Variants in CDC73 observed in about 807,000 individuals in gnomAD.
CDC73 encodes the protein cell division cycle 73.
CDC73 carries 21 observed loss-of-function variants against 83.7 expected under a neutral mutation model. The ratio of observed to expected loss-of-function variants is 0.25; its 90% CI spans 0.18 to 0.36. The LOEUF (loss-of-function observed/expected upper bound fraction) is 0.36. Ranked by LOEUF, CDC73 falls within the 10% of genes least tolerant of loss-of-function variation. CDC73 has a pLI of 1.00. For synonymous variants in CDC73, 224 were observed against 212.9 expected, an observed-to-expected ratio of 1.05 and a Z score of -0.45; for missense variants, 342 against 653.3, an observed-to-expected ratio of 0.52 and a Z score of 5.19.
chr1:193,236,182 T>C lies in CDC73; in HGVS notation c.1317-74T>C, dbSNP rs563288844. ...ATGGGACTGTTGCCTAAGGGATTTA[T>C]AGTAGCTAAAGCTCAAGTTTGAAAT... On this transcript the variant is annotated intron_variant, in intron 14 of 16. Coordinates refer to ENST00000367435, the MANE Select transcript of CDC73 (RefSeq NM_024529.5). 774 of 878,464 alleles carry C rather than the reference T, an allele frequency of 8.8e-4. 10 individuals are homozygous for C. The South Asian group carries it at 9.7e-3, about 11-fold the overall frequency. 54.4% of individuals were successfully genotyped at this position (878,464 alleles called of 1,614,324 possible).
At chr1:193,147,274 G>A (rs1472026733) in intron 7 of CDC73, among the ~76,000 whole-genome samples, 1 of 151,874 alleles carries the variant, frequency 6.6e-6, no homozygotes, top group Admixed American at 6.6e-5. Flanking sequence ...TTACAGTCAC[G>A]AGCCACCGTG....
intron 10 of CDC73, among the ~76,000 whole-genome samples, chr1:193,195,114 T>C (rs942997452): frequency 6.6e-6 from 1 of 152,130 alleles, no homozygotes; most frequent in Non-Finnish European, 1.5e-5. Context: ...GAGTGCATTC[T>C]CTTCTAACTC....
intron 14 of CDC73, among the ~76,000 whole-genome samples, chr1:193,234,258 A>G (rs1677715364): frequency 7.7e-6 from 1 of 129,968 alleles, no homozygotes; most frequent in South Asian, 2.4e-4. Flanking sequence ...ATTTATATAT[A>G]TAATTTAATT....
intron 10 of CDC73, among the ~76,000 whole-genome samples, chr1:193,153,720 T>G (rs982286268): frequency 2.6e-5 from 4 of 152,214 alleles, no homozygotes; most frequent in Non-Finnish European, 5.9e-5. Context: ...GTTTTTGTAT[T>G]ATTAAATTAT....
intron 11 of CDC73, among the ~76,000 whole-genome samples, chr1:193,209,864 C>G (rs74130934): frequency 0.021 from 3,219 of 152,144 alleles, 109 homozygotes; most frequent in African/African-American, 0.074. Context: ...CTTTCTTCTT[C>G]CCTCTCTTCC....
At chr1:193,181,406 C>T in intron 10 of CDC73, 1 of 1,614,028 alleles carries the variant, frequency 6.2e-7, no homozygotes, top group Non-Finnish European at 8.5e-7. Flanking sequence ...TTGAATCCAG[C>T]TCTGCCTGGC....
At chr1:193,126,868 T>G (rs1675584700) in intron 2 of CDC73, among the ~76,000 whole-genome samples, 1 of 152,232 alleles carries the variant, frequency 6.6e-6, no homozygotes, top group Non-Finnish European at 1.5e-5. Flanking sequence ...TGGATCACAT[T>G]AAGCTGTGTG....
intron 10 of CDC73, among the ~76,000 whole-genome samples, chr1:193,156,312 T>G (rs570075847): frequency 5.3e-5 from 8 of 152,320 alleles, no homozygotes; most frequent in African/African-American, 1.9e-4. Flanking sequence ...CTATTTGTTC[T>G]TAGTGAGTAT....
intron 7 of CDC73, among the ~76,000 whole-genome samples, chr1:193,143,418 A>G (rs1326550173): frequency 6.6e-6 from 1 of 152,212 alleles, no homozygotes; most frequent in East Asian, 1.9e-4. Flanking sequence ...AACAGGTGAT[A>G]TACCCTACCT....
chr1:193,199,013 A>T (rs1378213317), intron 10 of CDC73, among the ~76,000 whole-genome samples: 1 of 152,156 alleles, frequency 6.6e-6, no homozygotes, highest in Non-Finnish European at 1.5e-5. Context: ...AGATAAATTT[A>T]TTTTTAAATT....
At chr1:193,194,701 T>G (rs1676972637) in intron 10 of CDC73, among the ~76,000 whole-genome samples, 1 of 152,158 alleles carries the variant, frequency 6.6e-6, no homozygotes, top group Non-Finnish European at 1.5e-5. Flanking sequence ...ATAAAACATT[T>G]CAACTACATT....
At position 193,151,337 on chromosome 1, in the gene CDC73, C is replaced by T. The variant is rs150980767; in HGVS notation, c.907+955C>T. On this transcript the variant is annotated intron_variant, in intron 9 of 16. Coordinates refer to ENST00000367435, the MANE Select transcript of CDC73 (RefSeq NM_024529.5). ...CTGGATATGTGCCATAGAAAGACTA[C>T]GTCCATTCTTTCATTATAATATTCA... Among the ~76,000 whole-genome samples the T allele has an allele frequency of 4.2e-3, 632 of 152,246 alleles. 5 individuals are homozygous for T. The highest frequency in any genetic ancestry group is 0.014 in the African/African-American group (590 of 41,522).
chr1:193,123,273 G>A (rs1275520773), intron 1 of CDC73, among the ~76,000 whole-genome samples: 1 of 152,182 alleles, frequency 6.6e-6, no homozygotes, highest in African/African-American at 2.4e-5. Context: ...TGTCGCCCAG[G>A]CTGGAGTGCA....
chr1:193,216,329 A>G (rs956918349), intron 13 of CDC73, among the ~76,000 whole-genome samples: 2 of 152,226 alleles, frequency 1.3e-5, no homozygotes, highest in Admixed American at 6.5e-5. Flanking sequence ...CACACAAACT[A>G]GAATACCTAA....
chr1:193,155,325 A>G (rs1015404436), intron 10 of CDC73, among the ~76,000 whole-genome samples: 1 of 152,232 alleles, frequency 6.6e-6, no homozygotes, highest in Non-Finnish European at 1.5e-5. Context: ...AAGTTTGTAT[A>G]GTTGGGTTTC....
chr1:193,152,934 C>CCAT lies in CDC73; in HGVS notation c.972+491_972+493dup, dbSNP rs1320108242. On this transcript the variant is annotated intron_variant, in intron 10 of 16. Coordinates refer to ENST00000367435, the MANE Select transcript of CDC73 (RefSeq NM_024529.5). Reference sequence around the variant, plus strand: ...TAGCTGGGACTACAGGTGCCCACCACCATGCCCAGCTAATTTTCTTGTATT... The same window carrying CCAT: ...TAGCTGGGACTACAGGTGCCCACCACCATCATGCCCAGCTAATTTTCTTGTATT... Among the ~76,000 whole-genome samples, 4 of 152,146 alleles carry CCAT rather than the reference C, an allele frequency of 2.6e-5. No homozygotes were observed. In the East Asian group the frequency reaches 7.7e-4, roughly 29 times the overall value.
At chr1:193,128,993 ATTTTTT>A (rs756040512) in intron 2 of CDC73, among the ~76,000 whole-genome samples, 3 of 128,940 alleles carry the variant, frequency 2.3e-5, no homozygotes, top group African/African-American at 9.1e-5. Flanking sequence ...CGCCCGGCTA[ATTTTTT>A]TTTTTTTTTT....
At chr1:193,156,755 T>A (rs1676214144) in intron 10 of CDC73, among the ~76,000 whole-genome samples, 1 of 152,120 alleles carries the variant, frequency 6.6e-6, no homozygotes, top group Admixed American at 6.5e-5. Context: ...AGTGTAGAGT[T>A]CAGCTCTGCA....
intron 5 of CDC73, 39 bp downstream of exon 5, chr1:193,135,628 T>C (rs776500275): frequency 1.4e-6 from 2 of 1,466,714 alleles, no homozygotes; most frequent in South Asian, 2.4e-5. Flanking sequence ...ATTTATATTG[T>C]TATTGAAATT....
Sources: gnomAD v4.1 joint callset for allele counts (sites outside exome capture counted in the v4.1 genomes callset) on GRCh38, gnomAD v4.1.1 for gene constraint, MANE v1.5 for transcripts, NCBI Gene and HGNC (gene_info 2026-07-23, HGNC 2026-07-21) for gene names.